Variants in VANGL1 observed in about 807,000 individuals in gnomAD.
VANGL1 encodes VANGL planar cell polarity protein 1.
A neutral mutation model predicts 48.4 loss-of-function variants in VANGL1; 18 were observed. The ratio of observed to expected loss-of-function variants is 0.37; its 90% CI spans 0.26 to 0.55. The LOEUF (loss-of-function observed/expected upper bound fraction) is 0.55, where lower values mean the gene tolerates loss of function less well. Ranked by LOEUF, VANGL1 falls within the 20% of genes least tolerant of loss-of-function variation. VANGL1 has a pLI of 0.81. For synonymous variants in VANGL1, 257 were observed against 261.8 expected (o/e 0.98, Z 0.18); for missense variants, 667 against 675.8 (o/e 0.99, Z 0.14).
intron 7 of VANGL1, among the ~76,000 whole-genome samples, chr1:115,690,325 G>C (rs1570779760): frequency 6.6e-6 from 1 of 152,216 alleles, no homozygotes; most frequent in African/African-American, 2.4e-5. Context: ...AGATTTGAAG[G>C]GCAGGGAAGA....
At chr1:115,690,499 T>G (rs1475375945) in intron 7 of VANGL1, among the ~76,000 whole-genome samples, 3 of 152,232 alleles carry the variant, frequency 2.0e-5, no homozygotes, top group Admixed American at 2.0e-4. Context: ...GGAATAACCA[T>G]TGCTTGCTTA....
chr1:115,674,073 A>G (rs1189205211), intron 4 of VANGL1, among the ~76,000 whole-genome samples: 1 of 152,178 alleles, frequency 6.6e-6, no homozygotes, highest in Non-Finnish European at 1.5e-5. Context: ...GTGACTGAAC[A>G]CTGACCCTGT....
chr1:115,679,915 C>T (rs1419256651), intron 4 of VANGL1, among the ~76,000 whole-genome samples: 1 of 151,402 alleles, frequency 6.6e-6, no homozygotes, highest in East Asian at 1.9e-4. Context: ...TGGAGGGAGC[C>T]TCAGAAAGCC....
chr1:115,661,711 G>A (rs1282319399), intron 3 of VANGL1, among the ~76,000 whole-genome samples: 5 of 151,836 alleles, frequency 3.3e-5, no homozygotes, highest in African/African-American at 9.7e-5. Context: ...TCTACCTCCC[G>A]GGTTCAAGCG....
At position 115,694,390 on chromosome 1, in the gene VANGL1, G is replaced by A. The variant is rs573347642; in HGVS notation, c.*3011G>A. Reference sequence around the variant, plus strand: ...GACCTGGTGTGTTTGCTGTGTTGTAGTTCATTGCCTGGGGCTTGGGACTCC... The same window carrying A: ...GACCTGGTGTGTTTGCTGTGTTGTAATTCATTGCCTGGGGCTTGGGACTCC... On this transcript the variant is annotated 3_prime_UTR_variant, in exon 8 of 8. Transcript: ENST00000355485. 2.0e-5 allele frequency: 3 copies of A among 152,360 alleles called. No individual in the cohort carries two copies. Among genetic ancestry groups the A allele is most frequent in the African/African-American group, 7.2e-5 (3 of 41,568 alleles). The allele number at this position is 152,360 out of a possible 1,614,324, so 9.4% of individuals were successfully genotyped here. A position where few individuals can be genotyped will look rare whatever the true frequency, so the allele number is the denominator to read the frequency against.
At chr1:115,650,534 A>G (rs919920459) in intron 1 of VANGL1, among the ~76,000 whole-genome samples, 1 of 152,176 alleles carries the variant, frequency 6.6e-6, no homozygotes, top group African/African-American at 2.4e-5. Flanking sequence ...TACATAAGCA[A>G]TTTTATACAA....
rs1653665850 is a variant in VANGL1, at chr1:115,687,208, T to C, written c.1314+1681T>C. Among the ~76,000 whole-genome samples the C allele has an allele frequency of 2.2e-5, 3 of 139,056 alleles. 1 individual carries two copies. Among genetic ancestry groups the C allele is most frequent in the Non-Finnish European group, 4.7e-5 (3 of 63,502 alleles). 91.2% of individuals were successfully genotyped at this position (139,056 alleles called of 152,430 possible). A position where few individuals can be genotyped will look rare whatever the true frequency, so the allele number is the denominator to read the frequency against. On this transcript the variant is annotated intron_variant, in intron 7 of 7. Coordinates refer to ENST00000355485, the MANE Select transcript of VANGL1 (RefSeq NM_138959.3). ...CACATGAATATACACAAAGGTGGTG[T>C]TTTGCAAAACAATCTGTAATCCTCC...
intron 2 of VANGL1, among the ~76,000 whole-genome samples, chr1:115,655,372 CA>C (rs1652305773): frequency 6.6e-6 from 1 of 152,202 alleles, no homozygotes; most frequent in South Asian, 2.1e-4. Flanking sequence ...CAGCAACCCC[CA>C]AGGGCTTAGC....
chr1:115,651,795 C>T (rs942256651), intron 2 of VANGL1, among the ~76,000 whole-genome samples: 11 of 150,812 alleles, frequency 7.3e-5, no homozygotes, highest in Non-Finnish European at 1.3e-4. Context: ...CTCGTTCTGT[C>T]ACCCAGGCTG....
At chr1:115,643,255 A>G (rs1651802413) in intron 1 of VANGL1, among the ~76,000 whole-genome samples, 1 of 152,226 alleles carries the variant, frequency 6.6e-6, no homozygotes, top group Non-Finnish European at 1.5e-5. Flanking sequence ...GCTGAAAAAT[A>G]TTATAACTTG....
intron 2 of VANGL1, among the ~76,000 whole-genome samples, chr1:115,658,307 T>C (rs1418393567): frequency 6.6e-6 from 1 of 152,216 alleles, no homozygotes. Context: ...TGTGTGTTAA[T>C]AGTTCTATTT....
intron 4 of VANGL1, among the ~76,000 whole-genome samples, chr1:115,664,563 A>G (rs1273575773): frequency 6.6e-6 from 1 of 152,204 alleles, no homozygotes. Context: ...ATGCATAGTG[A>G]TGGCTGCCTT....
intron 2 of VANGL1, among the ~76,000 whole-genome samples, chr1:115,652,792 G>A (rs545408686): frequency 7.9e-5 from 12 of 152,336 alleles, no homozygotes; most frequent in Non-Finnish European, 1.2e-4. Context: ...GATTACTAAC[G>A]TAGAAAGAGG....
At chr1:115,678,532 A>G (rs10923162) in intron 4 of VANGL1, among the ~76,000 whole-genome samples, 98,270 of 152,040 alleles carry the variant, frequency 0.65, 32,075 homozygotes, top group South Asian at 0.75. Flanking sequence ...GATGGCCTCC[A>G]CCTCCTGATG....
At chr1:115,673,680 A>G (rs1171213651) in intron 4 of VANGL1, among the ~76,000 whole-genome samples, 1 of 145,682 alleles carries the variant, frequency 6.9e-6, no homozygotes, top group African/African-American at 2.6e-5. Flanking sequence ...GCTCTCTGCA[A>G]CCTCTGTCTC....
chr1:115,663,246 C>A (rs1020085619), intron 3 of VANGL1, among the ~76,000 whole-genome samples: 1 of 152,108 alleles, frequency 6.6e-6, no homozygotes, highest in Non-Finnish European at 1.5e-5. Context: ...TATAACCCAG[C>A]GTGAATTGGA....
intron 7 of VANGL1, among the ~76,000 whole-genome samples, 155 bp downstream of exon 7, chr1:115,685,682 T>C (rs758015282): frequency 2.0e-5 from 3 of 152,152 alleles, no homozygotes; most frequent in Non-Finnish European, 4.4e-5. Context: ...TTTTATGTTA[T>C]GTTAGTACAA....
intron 2 of VANGL1, among the ~76,000 whole-genome samples, chr1:115,654,108 A>G (rs192404834): frequency 3.7e-4 from 57 of 152,264 alleles, no homozygotes; most frequent in African/African-American, 1.3e-3. Flanking sequence ...TATTTTGTCC[A>G]AGGAGTGTTC....
intron 6 of VANGL1, 130 bp downstream of exon 6, chr1:115,684,206 T>C: frequency 9.9e-7 from 1 of 1,009,976 alleles, no homozygotes; most frequent in South Asian, 2.1e-5. Flanking sequence ...TGGCAAGATC[T>C]TGGCTCACTG....
Sources: gnomAD v4.1 joint callset for allele counts (sites outside exome capture counted in the v4.1 genomes callset) on GRCh38, gnomAD v4.1.1 for gene constraint, MANE v1.5 for transcripts, NCBI Gene and HGNC (gene_info 2026-07-23, HGNC 2026-07-21) for gene names.